The following CDH12 variants were observed in gnomAD, a reference collection of about 807,000 sequenced individuals.
CDH12 encodes cadherin-12.
CDH12 carries 41 observed loss-of-function variants against 74.1 expected under a neutral mutation model. The observed-to-expected ratio is 0.55, with a 90% CI of 0.43 to 0.72. The LOEUF is 0.72. Among genes scored for constraint, CDH12 ranks in the 30% least tolerant of loss-of-function variants. The probability of loss-of-function intolerance (pLI) is 0.00; values close to 1 mark genes in which losing one functional copy is unlikely to be tolerated. For synonymous variants in CDH12, 399 were observed against 355.0 expected (o/e 1.12, Z -1.39); for missense variants, 945 against 977.2 (o/e 0.97, Z 0.44).
intron 7 of CDH12, among the ~76,000 whole-genome samples, chr5:21,849,775 C>A (rs1299896035): frequency 1.3e-5 from 2 of 151,748 alleles, no homozygotes; most frequent in Non-Finnish European, 2.9e-5. Flanking sequence ...GCTCTATCCC[C>A]ATGTGACCCA....
chr5:22,580,157 G>A (rs1423081725), intron 1 of CDH12: 2 of 277,004 alleles, frequency 7.2e-6, no homozygotes, highest in South Asian at 3.7e-5. Context: ...TACTGACAAG[G>A]AAGAGGATCC....
rs141408039 is a variant in CDH12, at chr5:22,604,392, A to G, written c.-522-99028T>C. Among the ~76,000 whole-genome samples, 503 of 152,316 alleles carry G rather than the reference A, an allele frequency of 3.3e-3. 1 individual carries two copies. Among genetic ancestry groups the G allele is most frequent in the African/African-American group, 9.1e-3 (379 of 41,580 alleles). ...CTTATCCAGAACTGAGAAACAGTAA[A>G]CTGTCCCAAGCCACACATGCAGCTA... On this transcript the variant is annotated intron_variant, in intron 1 of 14. Coordinates refer to ENST00000382254, the MANE Select transcript of CDH12 (RefSeq NM_004061.5).
chr5:22,750,730 G>A (rs1198579917), intron 1 of CDH12, among the ~76,000 whole-genome samples: 2 of 152,014 alleles, frequency 1.3e-5, no homozygotes, highest in Non-Finnish European at 2.9e-5. Context: ...AGTACATTGA[G>A]GAAGTAAAGT....
At chr5:22,456,016 C>T (rs183430795) in intron 2 of CDH12, among the ~76,000 whole-genome samples, 10 of 151,752 alleles carry the variant, frequency 6.6e-5, no homozygotes, top group East Asian at 3.9e-4. Flanking sequence ...TAAATACTCC[C>T]GACATGCTTA....
intron 1 of CDH12, among the ~76,000 whole-genome samples, chr5:22,631,823 G>A (rs1439515668): frequency 6.6e-6 from 1 of 152,078 alleles, no homozygotes; most frequent in Non-Finnish European, 1.5e-5. Context: ...GACAAAGAGA[G>A]GAATCGAGAG....
intron 1 of CDH12, chr5:22,580,370 C>A (rs1475910632): frequency 6.4e-6 from 3 of 470,912 alleles, no homozygotes; most frequent in African/African-American, 6.0e-5. Flanking sequence ...AAATGCACAC[C>A]AAGTGCACGT....
intron 6 of CDH12, among the ~76,000 whole-genome samples, chr5:21,888,360 C>T (rs375641322): frequency 2.2e-3 from 334 of 152,190 alleles, no homozygotes; most frequent in Non-Finnish European, 3.5e-3. Flanking sequence ...CCTGTTAGCT[C>T]ATAGAGAGAC....
At chr5:22,349,034 T>C (rs1740243609) in intron 3 of CDH12, among the ~76,000 whole-genome samples, 1 of 152,176 alleles carries the variant, frequency 6.6e-6, no homozygotes, top group Non-Finnish European at 1.5e-5. Context: ...AGAGTCCTCA[T>C]GAATGGGATG....
At chr5:21,956,436 T>C (rs1268403338) in intron 6 of CDH12, among the ~76,000 whole-genome samples, 1 of 152,118 alleles carries the variant, frequency 6.6e-6, no homozygotes, top group Non-Finnish European at 1.5e-5. Flanking sequence ...GTAATTATTA[T>C]TCCCTCTCAT....
At chr5:22,468,412 A>G (rs1447227631) in intron 2 of CDH12, among the ~76,000 whole-genome samples, 1 of 152,224 alleles carries the variant, frequency 6.6e-6, no homozygotes, top group Admixed American at 6.5e-5. Context: ...TGATAGACAC[A>G]CTAAAATAGT....
chr5:22,171,001 G>A (rs1748990171), intron 4 of CDH12, among the ~76,000 whole-genome samples: 1 of 151,828 alleles, frequency 6.6e-6, no homozygotes, highest in African/African-American at 2.4e-5. Context: ...GGTGCTGTCA[G>A]AGGTCCACAA....
chr5:22,161,228 C>T (rs1039983362), intron 4 of CDH12, among the ~76,000 whole-genome samples: 2 of 152,078 alleles, frequency 1.3e-5, no homozygotes, highest in Non-Finnish European at 2.9e-5. Context: ...TTATGGAGTT[C>T]CCCTAAAACT....
chr5:21,913,753 G>A (rs1753964533), intron 6 of CDH12, among the ~76,000 whole-genome samples: 1 of 151,960 alleles, frequency 6.6e-6, no homozygotes, highest in Admixed American at 6.6e-5. Flanking sequence ...ACAGCTTATG[G>A]CAGCCCTGAC....
At chr5:22,771,949 ATTAG>A (rs1001110610) in intron 1 of CDH12, among the ~76,000 whole-genome samples, 1 of 151,934 alleles carries the variant, frequency 6.6e-6, no homozygotes, top group Non-Finnish European at 1.5e-5. Flanking sequence ...TATATGTTCT[ATTAG>A]TTCTTTTTTT....
intron 2 of CDH12, among the ~76,000 whole-genome samples, chr5:22,453,850 C>G (rs182026776): frequency 2.0e-3 from 303 of 151,786 alleles, no homozygotes; most frequent in African/African-American, 7.1e-3. Context: ...TAATTTTGTA[C>G]CAAAATTATT....
chr5:22,093,370 G>A (rs1236200290), intron 4 of CDH12, among the ~76,000 whole-genome samples: 1 of 152,070 alleles, frequency 6.6e-6, no homozygotes, highest in Admixed American at 6.6e-5. Flanking sequence ...AATAAACTAA[G>A]GGTACATATA....
rs535683229 is a variant in CDH12 at position 22,159,076 on chromosome 5, G to A, written c.-187+53422C>T. ...AAAGGTCCATAGTTTTAGCAGAGTA[G>A]ACTTTATAGCAGTGGTGAATTTTGA... On this transcript the variant is annotated intron_variant, in intron 4 of 14. Transcript: ENST00000382254. 1.9e-3 allele frequency among the ~76,000 whole-genome samples: 288 copies of A among 152,192 alleles called. 1 individual carries two copies. Among genetic ancestry groups the A allele is most frequent in the African/African-American group, 6.9e-3 (285 of 41,546 alleles).
At chr5:22,115,415 A>G (rs1194689539) in intron 4 of CDH12, among the ~76,000 whole-genome samples, 2 of 152,302 alleles carry the variant, frequency 1.3e-5, no homozygotes, top group Non-Finnish European at 2.9e-5. Flanking sequence ...ATAAGATCAG[A>G]ACCTGCATTG....
intron 2 of CDH12, among the ~76,000 whole-genome samples, chr5:22,430,966 G>A (rs1283295257): frequency 6.6e-6 from 1 of 152,006 alleles, no homozygotes; most frequent in East Asian, 1.9e-4. Context: ...ATATGACAAG[G>A]TAGTCTATTT....
Sources: gnomAD v4.1 joint callset for allele counts (sites outside exome capture counted in the v4.1 genomes callset) on GRCh38, gnomAD v4.1.1 for gene constraint, MANE v1.5 for transcripts, NCBI Gene and HGNC (gene_info 2026-07-23, HGNC 2026-07-21) for gene names.